RCSD1: variants seen among roughly 807,000 people sequenced by gnomAD.
RCSD1 encodes RCSD domain containing 1, also known as capZ-interacting protein.
A neutral mutation model predicts 42.5 loss-of-function variants in RCSD1; 26 were observed. That is an observed-to-expected ratio of 0.61 (90% CI 0.45 to 0.85). RCSD1 has a LOEUF of 0.85. Ranked by LOEUF, RCSD1 falls within the 40% of genes least tolerant of loss-of-function variation. RCSD1 has a pLI of 0.00. For missense variants in RCSD1, 571 were observed against 528.3 expected (o/e 1.08, Z -0.79); for synonymous variants, 220 against 212.2 (o/e 1.04, Z -0.32).
intron 1 of RCSD1, among the ~76,000 whole-genome samples, chr1:167,648,887 T>C (rs1371020453): frequency 1.3e-5 from 2 of 152,222 alleles, no homozygotes; most frequent in Non-Finnish European, 2.9e-5. Flanking sequence ...GTCACTCGCT[T>C]GCTTAATAAA....
At chr1:167,659,639 T>C (rs1658498811) in intron 1 of RCSD1, among the ~76,000 whole-genome samples, 1 of 152,214 alleles carries the variant, frequency 6.6e-6, no homozygotes, top group Non-Finnish European at 1.5e-5. Flanking sequence ...TTGGACCACG[T>C]GTCCATTCCC....
At chr1:167,657,902 CA>C (rs1404040272) in intron 1 of RCSD1, among the ~76,000 whole-genome samples, 2 of 152,014 alleles carry the variant, frequency 1.3e-5, no homozygotes, top group Admixed American at 6.6e-5. Context: ...CACACACACA[CA>C]CACACACACA....
chr1:167,686,473 A>G (rs569265657), intron 3 of RCSD1, among the ~76,000 whole-genome samples: 1 of 152,300 alleles, frequency 6.6e-6, no homozygotes, highest in Non-Finnish European at 1.5e-5. Flanking sequence ...TGTCAACCTA[A>G]GGCTTATAAA....
chr1:167,704,593 C>G (rs372888659), intron 6 of RCSD1, 71 bp from the exon 7 acceptor site: 140 of 1,285,426 alleles, frequency 1.1e-4, no homozygotes, highest in Non-Finnish European at 1.5e-4. Flanking sequence ...CCATCATCCC[C>G]AAGGAGGGAT....
chr1:167,653,289 G>A (rs1421314317), intron 1 of RCSD1, among the ~76,000 whole-genome samples: 9 of 152,110 alleles, frequency 5.9e-5, no homozygotes, highest in Admixed American at 3.9e-4. Flanking sequence ...CACAGATTTC[G>A]CAGGTATAAA....
At chr1:167,630,468 A>G in intron 1 of RCSD1, 39 bp downstream of exon 1, 1 of 1,521,330 alleles carries the variant, frequency 6.6e-7, no homozygotes, top group Non-Finnish European at 8.8e-7. Context: ...CTGAGCGGTG[A>G]GCGGTGTATC....
At chr1:167,668,250 A>G (rs1658708195) in intron 1 of RCSD1, among the ~76,000 whole-genome samples, 1 of 151,262 alleles carries the variant, frequency 6.6e-6, no homozygotes, top group Non-Finnish European at 1.5e-5. Flanking sequence ...GCACCAATGC[A>G]CTCCAGCCTG....
At chr1:167,657,153 A>C (rs142191291) in intron 1 of RCSD1, among the ~76,000 whole-genome samples, 6 of 152,320 alleles carry the variant, frequency 3.9e-5, no homozygotes, top group African/African-American at 4.8e-5. Context: ...CATAGTAAGC[A>C]CTCAATCTAT....
At chr1:167,635,865 A>G (rs1470694493) in intron 1 of RCSD1, among the ~76,000 whole-genome samples, 1 of 152,186 alleles carries the variant, frequency 6.6e-6, no homozygotes, top group Non-Finnish European at 1.5e-5. Flanking sequence ...ACAGCTTGCA[A>G]TTTTTCTCTT....
intron 6 of RCSD1, among the ~76,000 whole-genome samples, chr1:167,698,430 A>G (rs186285849): frequency 3.5e-4 from 53 of 152,294 alleles, no homozygotes; most frequent in African/African-American, 1.3e-3. Flanking sequence ...GCCCTCAGAG[A>G]AAGAAGCTGC....
At chr1:167,671,052 GC>G (rs1346318774) in intron 1 of RCSD1, among the ~76,000 whole-genome samples, 1 of 152,142 alleles carries the variant, frequency 6.6e-6, no homozygotes, top group African/African-American at 2.4e-5. Context: ...CCAGTTTTCT[GC>G]CTCTGCTGAA....
In RCSD1 at chr1:167,646,446, TAAAAAA is replaced by T. The variant is rs10530984; in HGVS notation, c.6+16032_6+16037del. On this transcript the variant is annotated intron_variant, in intron 1 of 6. Coordinates refer to ENST00000367854, the MANE Select transcript of RCSD1 (RefSeq NM_052862.4). ...AGCCGACCATAAGCTAACACTTTTC[TAAAAAA>T]AAAAAAAAAAAAAAGAAGTAGAAAG... Among the ~76,000 whole-genome samples the T allele has an allele frequency of 8.0e-5, 11 of 136,780 alleles. No homozygotes were observed. In the East Asian group the frequency reaches 1.5e-3, roughly 18 times the overall value. 89.7% of individuals were successfully genotyped at this position (136,780 alleles called of 152,430 possible).
chr1:167,651,871 C>T (rs1658317045), intron 1 of RCSD1, among the ~76,000 whole-genome samples: 1 of 152,138 alleles, frequency 6.6e-6, no homozygotes, highest in African/African-American at 2.4e-5. Context: ...TCCTCCCTGA[C>T]CTCCACTCTT....
chr1:167,665,665 T>C (rs1029826257), intron 1 of RCSD1, among the ~76,000 whole-genome samples: 10 of 152,212 alleles, frequency 6.6e-5, no homozygotes, highest in African/African-American at 2.4e-4. Flanking sequence ...TTCTTGTGGG[T>C]GTGTAGTGGT....
chr1:167,704,571 T>C, intron 6 of RCSD1, 93 bp from the exon 7 acceptor site: 1 of 1,059,844 alleles, frequency 9.4e-7, no homozygotes, highest in Non-Finnish European at 1.5e-6. Context: ...ACTGTTACTA[T>C]TATTGCCAGA....
intron 1 of RCSD1, among the ~76,000 whole-genome samples, chr1:167,642,236 C>A (rs1484061861): frequency 6.6e-6 from 1 of 152,126 alleles, no homozygotes; most frequent in Non-Finnish European, 1.5e-5. Flanking sequence ...GTCTTAGAAG[C>A]CTTCACAAAG....
chr1:167,694,985 G>T (rs1659462028), intron 5 of RCSD1, among the ~76,000 whole-genome samples: 1 of 152,178 alleles, frequency 6.6e-6, no homozygotes, highest in Admixed American at 6.5e-5. Flanking sequence ...ACTTCTTGGG[G>T]TCTGGTGCCA....
intron 2 of RCSD1, among the ~76,000 whole-genome samples, chr1:167,684,567 G>A (rs1659175074): frequency 6.6e-6 from 1 of 152,132 alleles, no homozygotes; most frequent in South Asian, 2.1e-4. Flanking sequence ...AGCAGTGTGA[G>A]AAGCTCATTA....
intron 1 of RCSD1, among the ~76,000 whole-genome samples, chr1:167,682,389 G>A (rs1000505193): frequency 2.0e-5 from 3 of 152,098 alleles, no homozygotes; most frequent in African/African-American, 7.2e-5. Flanking sequence ...GACTGGTCTC[G>A]AACTTCTGAC....
Sources: allele counts gnomAD v4.1 joint callset (sites outside exome capture counted in the v4.1 genomes callset), GRCh38; gene constraint gnomAD v4.1.1; transcripts MANE v1.5; gene names NCBI Gene and HGNC (gene_info 2026-07-23, HGNC 2026-07-21).